CSTA: variants seen among roughly 807,000 people sequenced by gnomAD.
The protein encoded by CSTA is cystatin A.
Under a neutral mutation model 9.2 loss-of-function variants are expected in CSTA, and 9 were observed. The ratio of observed to expected loss-of-function variants is 0.97; its 90% CI spans 0.59 to 1.70. The LOEUF is 1.70. Among genes scored for constraint, CSTA ranks in the 40% most tolerant of loss-of-function variants. The pLI is 0.00. For synonymous variants in CSTA, 36 were observed against 40.6 expected, an observed-to-expected ratio of 0.89 and a Z score of 0.43; for missense variants, 118 against 113.1, an observed-to-expected ratio of 1.04 and a Z score of -0.20.
intron 1 of CSTA, among the ~76,000 whole-genome samples, chr3:122,330,940 C>G (rs1408450230): frequency 6.6e-6 from 1 of 152,138 alleles, no homozygotes; most frequent in African/African-American, 2.4e-5. Flanking sequence ...AATGGCCCAA[C>G]AGCAAAAGCC....
In CSTA at chr3:122,328,079, G is replaced by A. The variant is rs372261921; in HGVS notation, c.66+2721G>A. On this transcript the variant is annotated intron_variant, in intron 1 of 2. Transcript: ENST00000264474. ...AACAGCTACCTCACCCCAGAAAGGG[G>A]TTTTGCAGTTTTTAAAAGCTTGACC... 3.3e-5 allele frequency among the ~76,000 whole-genome samples: 5 copies of A among 152,172 alleles called. No individual in the cohort carries two copies. The East Asian group carries it at 5.8e-4, about 18-fold the overall frequency.
chr3:122,332,682 C>T (rs1004164816), intron 1 of CSTA, among the ~76,000 whole-genome samples: 1 of 152,156 alleles, frequency 6.6e-6, no homozygotes, highest in Non-Finnish European at 1.5e-5. Flanking sequence ...GGTGCTTCTC[C>T]CTGGTAGCCT....
At chr3:122,330,196 C>G (rs1238368228) in intron 1 of CSTA, among the ~76,000 whole-genome samples, 1 of 152,208 alleles carries the variant, frequency 6.6e-6, no homozygotes, top group Admixed American at 6.5e-5. Flanking sequence ...TCTCCACTAC[C>G]TGTCACTTAC....
chr3:122,341,102 C>T lies in CSTA; in HGVS notation c.169-337C>T, dbSNP rs7631500. 0.5 allele frequency among the ~76,000 whole-genome samples: 76,189 copies of T among 151,684 alleles called. 19,975 individuals carry two copies. The highest frequency in any genetic ancestry group is 0.58 in the Non-Finnish European group (39,125 of 67,880). ...GATTACAGGCATGCACCACCATGCC[C>T]GGCTAATTTTTTGTATTTTTAGTAG... On this transcript the variant is annotated intron_variant, in intron 2 of 2. Coordinates refer to ENST00000264474, the MANE Select transcript of CSTA (RefSeq NM_005213.4).
intron 1 of CSTA, among the ~76,000 whole-genome samples, chr3:122,326,338 A>ATTTTTCTTTTTTTTTTTTTTTTTTTT: frequency 3.3e-5 from 5 of 152,012 alleles, no homozygotes; most frequent in African/African-American, 1.2e-4. Flanking sequence ...TCCCTGATAT[A>ATTTTTCTTTTTTTTTTTTTTTTTTTT]TTTTTCTTTG....
chr3:122,338,784 A>T (rs2075249312), intron 2 of CSTA, among the ~76,000 whole-genome samples: 1 of 152,224 alleles, frequency 6.6e-6, no homozygotes, highest in Admixed American at 6.5e-5. Flanking sequence ...CATCAACATT[A>T]ACATATTTAA....
At position 122,341,777 on chromosome 3, in the gene CSTA, C is replaced by T; in HGVS notation, c.*210C>T. On this transcript the variant is annotated 3_prime_UTR_variant, in exon 3 of 3. Coordinates refer to ENST00000264474, the MANE Select transcript of CSTA (RefSeq NM_005213.4). The stretch of plus-strand genomic sequence containing the variant: ...GTATAAACTCCATATAAATTGATGG[C>T]AATTGGAAATCTTATAAAAACTAGT... The T allele has an allele frequency of 1.7e-6, 1 of 590,490 alleles. No individual in the cohort carries two copies. Among genetic ancestry groups the T allele is most frequent in the Non-Finnish European group, 2.9e-6 (1 of 350,622 alleles). 36.6% of individuals were successfully genotyped at this position (590,490 alleles called of 1,614,324 possible).
intron 1 of CSTA, among the ~76,000 whole-genome samples, chr3:122,332,028 C>G (rs1576891791): frequency 6.6e-6 from 1 of 152,306 alleles, no homozygotes; most frequent in South Asian, 2.1e-4. Flanking sequence ...GAATCTAATG[C>G]TGCCGCTAAT....
intron 1 of CSTA, among the ~76,000 whole-genome samples, chr3:122,326,264 CA>C (rs1234033761): frequency 6.6e-6 from 1 of 152,222 alleles, no homozygotes; most frequent in Non-Finnish European, 1.5e-5. Context: ...TTCCTGGGCT[CA>C]AGCCATCCAC....
At chr3:122,340,863 G>A (rs1440929642) in intron 2 of CSTA, among the ~76,000 whole-genome samples, 1 of 151,768 alleles carries the variant, frequency 6.6e-6, no homozygotes, top group Non-Finnish European at 1.5e-5. Flanking sequence ...ATAAAATGCT[G>A]TCCTTTGTGC....
At chr3:122,328,403 G>A (rs1489776819) in intron 1 of CSTA, among the ~76,000 whole-genome samples, 1 of 151,346 alleles carries the variant, frequency 6.6e-6, no homozygotes, top group African/African-American at 2.4e-5. Context: ...CAGAGGCTGA[G>A]GCAGGAGAAT....
At chr3:122,339,076 T>C (rs778325726) in intron 2 of CSTA, among the ~76,000 whole-genome samples, 1 of 152,120 alleles carries the variant, frequency 6.6e-6, no homozygotes, top group East Asian at 1.9e-4. Context: ...AGATTTAAGG[T>C]CTTGCCAGTG....
intron 1 of CSTA, among the ~76,000 whole-genome samples, chr3:122,330,534 G>A (rs2075198399): frequency 6.6e-6 from 1 of 152,224 alleles, no homozygotes; most frequent in Non-Finnish European, 1.5e-5. Context: ...AAACTTGAAT[G>A]TTTTTGAAGG....
intron 1 of CSTA, among the ~76,000 whole-genome samples, chr3:122,329,540 T>C (rs1228391147): frequency 1.3e-5 from 2 of 152,156 alleles, no homozygotes; most frequent in Non-Finnish European, 2.9e-5. Flanking sequence ...CACTCCAGCC[T>C]GGCCAACAAA....
chr3:122,334,357 T>C (rs1032597278), intron 1 of CSTA, among the ~76,000 whole-genome samples: 3 of 151,960 alleles, frequency 2.0e-5, no homozygotes, highest in African/African-American at 7.3e-5. Flanking sequence ...GAGGCATCAG[T>C]AGTAAAGGTT....
chr3:122,338,499 C>CAAAAAAA (rs58446448), intron 2 of CSTA, among the ~76,000 whole-genome samples: 2 of 140,152 alleles, frequency 1.4e-5, no homozygotes, highest in African/African-American at 2.6e-5. Flanking sequence ...ATTTTTTCAG[C>CAAAAAAA]AAAAAAAAAA....
At chr3:122,329,568 A>AAAATAAAT (rs1194187655) in intron 1 of CSTA, among the ~76,000 whole-genome samples, 14 of 152,162 alleles carry the variant, frequency 9.2e-5, no homozygotes, top group African/African-American at 3.4e-4. Flanking sequence ...TCTGTTTCAA[A>AAAATAAAT]AAATAAATAA....
rs561443248 is a variant in CSTA, at chr3:122,338,068, G to A, written c.168+420G>A. The A allele has an allele frequency of 2.2e-3, 350 of 159,010 alleles. 2 individuals are homozygous for A. The highest frequency in any genetic ancestry group is 8.1e-3 in the African/African-American group (336 of 41,532). The allele number at this position is 159,010 out of a possible 1,614,324, so 9.8% of individuals were successfully genotyped here. On this transcript the variant is annotated intron_variant, in intron 2 of 2. Transcript: ENST00000264474. ...TCTAAATTAAATAAATTAAAGTAAC[G>A]ACTCAAATCATTAGCTGGGAAAATA...
chr3:122,333,079 T>C (rs2075213265), intron 1 of CSTA, among the ~76,000 whole-genome samples: 1 of 152,206 alleles, frequency 6.6e-6, no homozygotes, highest in Admixed American at 6.5e-5. Context: ...AGGTCCACAG[T>C]CTGACAGGTG....
Sources: gnomAD v4.1 joint callset for allele counts (sites outside exome capture counted in the v4.1 genomes callset) on GRCh38, gnomAD v4.1.1 for gene constraint, MANE v1.5 for transcripts, NCBI Gene and HGNC (gene_info 2026-07-23, HGNC 2026-07-21) for gene names.